The following DIP2C variants were observed in gnomAD, a reference collection of about 807,000 sequenced individuals.
DIP2C encodes DIP2 acetate--CoA ligase C (putative).
Under a neutral mutation model 192.4 loss-of-function variants are expected in DIP2C, and 33 were observed. That is an observed-to-expected ratio of 0.17 (90% confidence interval 0.13 to 0.23). The LOEUF is 0.23. Among genes scored for constraint, DIP2C ranks in the 10% least tolerant of loss-of-function variants. DIP2C has a pLI of 1.00. For synonymous variants in DIP2C, 979 were observed against 864.1 expected (o/e 1.13, Z -2.33); for missense variants, 1,537 against 2,110.1 (o/e 0.73, Z 5.32).
intron 7 of DIP2C, among the ~76,000 whole-genome samples, chr10:414,891 T>TGTGTGTAC (rs1965516718): frequency 3.8e-5 from 1 of 26,006 alleles, no homozygotes; most frequent in Non-Finnish European, 8.6e-5. Context: ...TGTGTGTGTG[T>TGTGTGTAC]ATATATATAT....
chr10:577,347 A>G (rs1255108810), intron 1 of DIP2C, among the ~76,000 whole-genome samples: 4 of 152,260 alleles, frequency 2.6e-5, no homozygotes, highest in African/African-American at 4.8e-5. Flanking sequence ...GTAACTAGAA[A>G]TAAAGGCAAA....
Position 651,360 on chromosome 10 carries a change from T to G in DIP2C, c.85+38134A>C, listed in dbSNP as rs1001262700. The G allele has an allele frequency of 5.7e-6, 4 of 702,282 alleles. No homozygotes were observed. The Admixed American group carries it at 6.0e-5, about 11-fold the overall frequency. 43.5% of individuals were successfully genotyped at this position (702,282 alleles called of 1,614,324 possible). A position where few individuals can be genotyped will look rare whatever the true frequency, so the allele number is the denominator to read the frequency against. ...ACCTACTTTTGCATCCCCAGCACTG[T>G]GCTCAGGTCCCAGGGAGGCCCCAGC... On this transcript the variant is annotated intron_variant, in intron 1 of 36. Coordinates refer to ENST00000280886, the MANE Select transcript of DIP2C (RefSeq NM_014974.3). The surrounding 1 kb of genome is among the most constrained non-coding windows in gnomAD (Gnocchi z 4.1).
chr10:424,286 ATTT>A (rs34281389), intron 4 of DIP2C, among the ~76,000 whole-genome samples: 1 of 149,798 alleles, frequency 6.7e-6, no homozygotes. Context: ...CTGTCTGGGA[ATTT>A]TTTTAAAAGT....
intron 17 of DIP2C, among the ~76,000 whole-genome samples, chr10:378,608 G>A (rs1324869292): frequency 6.6e-6 from 1 of 150,736 alleles, no homozygotes; most frequent in African/African-American, 2.5e-5. Context: ...CACATGAACA[G>A]ACATGCATAA....
intron 10 of DIP2C, among the ~76,000 whole-genome samples, chr10:398,831 C>G (rs1054914478): frequency 6.6e-6 from 1 of 152,078 alleles, no homozygotes; most frequent in African/African-American, 2.4e-5. Context: ...TACCCCAATT[C>G]TAGTGCACAT....
rs370581797 is a variant in DIP2C, at chr10:364,624, A to G, written c.2269-42T>C. The G allele has an allele frequency of 3.8e-6, 6 of 1,596,352 alleles. No homozygotes were observed. The East Asian group carries it at 6.7e-5, about 18-fold the overall frequency. On this transcript the variant is annotated intron_variant, in intron 19 of 36. Transcript: ENST00000280886. ...CCATCAGGCCACTGTTCATGTGGTCAGCTGGTTTTAATCCTCGCCGCTACT... is the reference window on the plus strand; with the variant it reads ...CCATCAGGCCACTGTTCATGTGGTCGGCTGGTTTTAATCCTCGCCGCTACT...
intron 1 of DIP2C, among the ~76,000 whole-genome samples, chr10:600,361 AAG>A (rs765765442): frequency 3.3e-5 from 5 of 151,598 alleles, no homozygotes; most frequent in Non-Finnish European, 7.4e-5. Context: ...AGCTGCTAAT[AAG>A]AGTGTCCCAA....
chr10:304,631 C>T (rs1589432615), intron 32 of DIP2C, among the ~76,000 whole-genome samples: 1 of 152,102 alleles, frequency 6.6e-6, no homozygotes, highest in Non-Finnish European at 1.5e-5. Flanking sequence ...AAATACAAGG[C>T]AATACTAAGA....
chr10:472,607 ACT>A (rs10610683), intron 2 of DIP2C, 58 bp from the exon 3 acceptor site: 711,830 of 1,426,802 alleles, frequency 0.5, 185,394 homozygotes, highest in East Asian at 0.67. Context: ...GAGTCAGCAG[ACT>A]CTAACAAATC....
At chr10:355,500 G>A (rs547351425) in intron 24 of DIP2C, among the ~76,000 whole-genome samples, 1 of 152,296 alleles carries the variant, frequency 6.6e-6, no homozygotes, top group Admixed American at 6.5e-5. Flanking sequence ...TTGAAGAGTT[G>A]CAAGTACCTA....
chr10:365,126 T>TA, intron 19 of DIP2C: 1 of 428,670 alleles, frequency 2.3e-6, no homozygotes, highest in Non-Finnish European at 4.7e-6. Context: ...ATGGAGTTTT[T>TA]ATTTAGATTT....
Position 277,134 on chromosome 10 carries a change from G to A in DIP2C, c.*191C>T. The A allele has an allele frequency of 1.3e-6, 1 of 754,568 alleles. No homozygotes were observed. Among genetic ancestry groups the A allele is most frequent in the Non-Finnish European group, 2.0e-6 (1 of 500,958 alleles). 46.7% of individuals were successfully genotyped at this position (754,568 alleles called of 1,614,324 possible). A position where few individuals can be genotyped will look rare whatever the true frequency, so the allele number is the denominator to read the frequency against. ...AAGTCCTTCTGAGCGAAATTCAGTG[G>A]TAAATTCACATTTCACCCCCATGCC... On this transcript the variant is annotated 3_prime_UTR_variant, in exon 37 of 37. Transcript: ENST00000280886.
intron 4 of DIP2C, chr10:437,814 C>CA (rs1331813435): frequency 6.6e-6 from 1 of 152,170 alleles, no homozygotes; most frequent in Non-Finnish European, 1.5e-5. Flanking sequence ...TCCTGGTCAG[C>CA]AGCCAGTCAT....
At chr10:364,327 T>C (rs535489655) in intron 20 of DIP2C, 47 bp downstream of exon 20, 3 of 1,575,084 alleles carry the variant, frequency 1.9e-6, no homozygotes, top group East Asian at 2.3e-5. Context: ...ACATAAAAAA[T>C]ATGGCCGACC....
At chr10:616,936 T>C (rs1225623994) in intron 1 of DIP2C, among the ~76,000 whole-genome samples, 1 of 152,092 alleles carries the variant, frequency 6.6e-6, no homozygotes, top group Non-Finnish European at 1.5e-5. Flanking sequence ...GAGGGCAAAT[T>C]CCATGGACCA....
chr10:504,921 C>G lies in DIP2C; in HGVS notation c.86-18391G>C, dbSNP rs1265928171. ...GGTGAGCTCTTCAATCTCCATTTCT[C>G]AACACTCCAAGCTGTTTCCATATGA... On this transcript the variant is annotated intron_variant, in intron 1 of 36. Transcript: ENST00000280886. 2.0e-5 allele frequency among the ~76,000 whole-genome samples: 3 copies of G among 152,180 alleles called. No homozygotes were observed. The East Asian group carries it at 5.8e-4, about 29-fold the overall frequency.
intron 1 of DIP2C, among the ~76,000 whole-genome samples, chr10:670,995 C>T (rs941147699): frequency 6.6e-6 from 1 of 152,356 alleles, no homozygotes; most frequent in African/African-American, 2.4e-5. Flanking sequence ...TAATTTACTT[C>T]ATGAGGTGCC....
At chr10:540,902 C>T (rs186622719) in intron 1 of DIP2C, among the ~76,000 whole-genome samples, 43 of 152,278 alleles carry the variant, frequency 2.8e-4, no homozygotes, top group Admixed American at 5.2e-4. Flanking sequence ...GCAAAGCATG[C>T]ATTAGACACA....
intron 3 of DIP2C, among the ~76,000 whole-genome samples, chr10:467,164 A>C (rs533263807): frequency 3.3e-4 from 50 of 152,310 alleles, no homozygotes; most frequent in African/African-American, 1.1e-3. Flanking sequence ...CTGGATTAAG[A>C]AAATGTGGCA....
Sources: gnomAD v4.1 joint callset for allele counts (sites outside exome capture counted in the v4.1 genomes callset) on GRCh38, gnomAD v4.1.1 for gene constraint, Gnocchi (gnomAD v3.1) non-coding constraint, MANE v1.5 for transcripts, NCBI Gene and HGNC (gene_info 2026-07-23, HGNC 2026-07-21) for gene names.